The following RP1 variants were observed in gnomAD, a reference collection of about 807,000 sequenced individuals.
RP1 encodes the protein oxygen-regulated protein 1.
A neutral mutation model predicts 14.8 loss-of-function variants in RP1; 16 were observed. The observed-to-expected ratio is 1.08, with a 90% CI of 0.73 to 1.65. The LOEUF is 1.65. RP1 is among the 40% of genes most tolerant of loss of function. RP1 has a pLI of 0.00. For missense variants in RP1, 2,631 were observed against 2,535.0 expected (o/e 1.04, Z -0.81); for synonymous variants, 876 against 883.6 (o/e 0.99, Z 0.15).
Position 54,622,106 on chromosome 8 carries a change from G to A in RP1, c.616-11G>A, listed in dbSNP as rs1805896442. ...TGCTCATCTCAGGATAATGACTCTGGTCTCTTTTAGGTTCCCAGCCTCCAG... is the reference window on the plus strand; with the variant it reads ...TGCTCATCTCAGGATAATGACTCTGATCTCTTTTAGGTTCCCAGCCTCCAG... On this transcript the variant is annotated splice_polypyrimidine_tract_variant and intron_variant, in intron 2 of 3. Transcript: ENST00000220676. The A allele has an allele frequency of 6.2e-7, 1 of 1,613,906 alleles. No individual in the cohort carries two copies. Among genetic ancestry groups the A allele is most frequent in the South Asian group, 1.1e-5 (1 of 91,074 alleles).
At chr8:54,595,078 A>G (rs1805109910) in intron 1 of RP1, among the ~76,000 whole-genome samples, 1 of 152,082 alleles carries the variant, frequency 6.6e-6, no homozygotes, top group African/African-American at 2.4e-5. Flanking sequence ...TTCCTTCTGA[A>G]TAGTATACTT....
intron 24 of RP1, among the ~76,000 whole-genome samples, chr8:54,826,676 C>T (rs1471734411): frequency 1.3e-5 from 2 of 152,164 alleles, no homozygotes; most frequent in Non-Finnish European, 2.9e-5. Context: ...AGAGAATTGC[C>T]AAGTCCTCAT....
intron 12 of RP1, among the ~76,000 whole-genome samples, chr8:54,684,339 G>A (rs924330341): frequency 3.9e-5 from 6 of 152,112 alleles, no homozygotes; most frequent in Admixed American, 1.3e-4. Context: ...ATGAGTTAGG[G>A]AGGAGTCCCT....
At chr8:54,747,348 T>C (rs945912367) in intron 19 of RP1, among the ~76,000 whole-genome samples, 1 of 152,206 alleles carries the variant, frequency 6.6e-6, no homozygotes, top group Non-Finnish European at 1.5e-5. Flanking sequence ...TGCTATACAA[T>C]CTAAAGGGAG....
rs398124219 is a variant in RP1, at chr8:54,627,187, A to G, written c.3305A>G (p.Gln1102Arg). The G allele has an allele frequency of 5.0e-6, 8 of 1,613,960 alleles. No individual in the cohort carries two copies. In the African/African-American group the frequency reaches 1.1e-4, roughly 22 times the overall value. ...TCAGTTCCTGGTATTCACAAGACTC[A>G]GAATGGAGTTGTTCAAATGCCAGGT... ...QASVPGIHKTQNGVVQMPGSL... is the reference protein window; with the variant it reads ...QASVPGIHKTRNGVVQMPGSL... The change falls in exon 4 of 4, where the codon CAG (glutamine) becomes CGG (arginine). Residue 1102 changes from glutamine to arginine, a missense_variant. Gln to Arg is a conservative substitution (Grantham distance 43, BLOSUM62 1). Transcript: ENST00000220676.
chr8:54,633,710 C>CCTCT (rs3077384), downstream of RP1, among the ~76,000 whole-genome samples: 2,332 of 118,410 alleles, frequency 0.02, 42 homozygotes, highest in African/African-American at 0.044. Flanking sequence ...TTATTTTGTG[C>CCTCT]CTCTCTCTCT....
Position 54,616,182 on chromosome 8 carries a change from T to C in RP1, c.-33T>C, listed in dbSNP as rs1371897855. On this transcript the variant is annotated 5_prime_UTR_variant, in exon 1 of 4. Transcript: ENST00000220676. ...CTTAAACATCTTTTTCTTTTCTTAA[T>C]AAGGGACGTTTCAAGTTGTGGTAAG... The C allele has an allele frequency of 6.6e-6, 1 of 152,248 alleles. No homozygotes were observed. The highest frequency in any genetic ancestry group is 1.9e-4 in the East Asian group (1 of 5,206). The allele number at this position is 152,248 out of a possible 1,614,324, so 9.4% of individuals were successfully genotyped here. A position where few individuals can be genotyped will look rare whatever the true frequency, so the allele number is the denominator to read the frequency against.
At chr8:54,765,252 G>T (rs1256230387) in intron 22 of RP1, among the ~76,000 whole-genome samples, 1 of 152,234 alleles carries the variant, frequency 6.6e-6, no homozygotes. Context: ...CAAACATGAG[G>T]CGCATGCTCT....
At chr8:54,720,065 T>C (rs1808498344) in intron 15 of RP1, 2 of 1,246,396 alleles carry the variant, frequency 1.6e-6, no homozygotes, top group Admixed American at 3.0e-5. Flanking sequence ...TTAAAACGAC[T>C]GGTTTTAAAT....
chr8:54,783,687 C>A (rs1810245808), exon 24 of RP1: 4 of 1,231,126 alleles, frequency 3.2e-6, no homozygotes, highest in Non-Finnish European at 4.1e-6. Flanking sequence ...GCTGTTTAAC[C>A]CTAACACTGC....
chr8:54,834,694 T>C (rs1174019870), intron 24 of RP1, among the ~76,000 whole-genome samples: 1 of 151,166 alleles, frequency 6.6e-6, no homozygotes. Flanking sequence ...TTTCCTGTGG[T>C]GTTGCTTCCT....
intron 4 of RP1, among the ~76,000 whole-genome samples, chr8:54,651,682 TTGA>T (rs1198408544): frequency 1.3e-5 from 2 of 152,168 alleles, no homozygotes; most frequent in Non-Finnish European, 2.9e-5. Flanking sequence ...ATCAGTTTTA[TTGA>T]TGTTTTTAAT....
intron 1 of RP1, among the ~76,000 whole-genome samples, chr8:54,574,469 T>C (rs1292057575): frequency 6.6e-6 from 1 of 150,992 alleles, no homozygotes; most frequent in Non-Finnish European, 1.5e-5. Flanking sequence ...AGAAAGGGGG[T>C]GGGAGATGGC....
chr8:54,796,932 A>G (rs1810589533), intron 24 of RP1, among the ~76,000 whole-genome samples: 1 of 152,202 alleles, frequency 6.6e-6, no homozygotes, highest in African/African-American at 2.4e-5. Context: ...GAGCCATTTT[A>G]CTAATCTTGC....
intron 3 of RP1, among the ~76,000 whole-genome samples, chr8:54,622,735 TA>T (rs1012336731): frequency 1.3e-5 from 2 of 152,186 alleles, no homozygotes; most frequent in Non-Finnish European, 2.9e-5. Context: ...AAGTTATTCC[TA>T]AAAAAATCAC....
At chr8:54,631,115 A>G (rs1022649239), downstream of RP1, among the ~76,000 whole-genome samples, 1 of 152,212 alleles carries the variant, frequency 6.6e-6, no homozygotes, top group Admixed American at 6.5e-5. Context: ...TTGGAGCCAC[A>G]CATGGAGATG....
In RP1 at chr8:54,630,704, AAATGTAT is replaced by A. The variant is rs1307516528; in HGVS notation, c.*353_*359del. 9 of 1,094,568 alleles carry A rather than the reference AAATGTAT, an allele frequency of 8.2e-6. No homozygotes were observed. The highest frequency in any genetic ancestry group is 1.0e-5 in the Non-Finnish European group (9 of 898,190). 67.8% of individuals were successfully genotyped at this position (1,094,568 alleles called of 1,614,324 possible). On this transcript the variant is annotated 3_prime_UTR_variant, in exon 4 of 4. Transcript: ENST00000220676. Reference sequence around the variant, plus strand: ...TAAAAAATGTTGTTAGCTTGGTGTAAAATGTATATTGACTGTATTGGTGAATAAATTG... The same window carrying A: ...TAAAAAATGTTGTTAGCTTGGTGTAAATTGACTGTATTGGTGAATAAATTG...
chr8:54,699,134 T>A (rs1807948822), intron 12 of RP1, among the ~76,000 whole-genome samples: 1 of 150,788 alleles, frequency 6.6e-6, no homozygotes, highest in African/African-American at 2.4e-5. Context: ...TTTGATATAT[T>A]AGTATATTGT....
intron 22 of RP1, among the ~76,000 whole-genome samples, chr8:54,761,138 A>G (rs1234970048): frequency 1.3e-5 from 2 of 151,920 alleles, no homozygotes; most frequent in African/African-American, 4.8e-5. Flanking sequence ...TTAAATATGA[A>G]ATCTTCTGGT....
Sources: allele counts gnomAD v4.1 joint callset (sites outside exome capture counted in the v4.1 genomes callset), GRCh38; gene constraint gnomAD v4.1.1; transcripts MANE v1.5; gene names NCBI Gene and HGNC (gene_info 2026-07-23, HGNC 2026-07-21).